The following CRLF3 variants were observed in gnomAD, a reference collection of about 807,000 sequenced individuals.
CRLF3 encodes the protein cytokine receptor-like factor 3.
In CRLF3, 33 loss-of-function variants were observed where a neutral mutation model predicts 55.0. That is an observed-to-expected ratio of 0.60 (90% CI 0.46 to 0.80). The LOEUF (loss-of-function observed/expected upper bound fraction) is 0.80, where lower values mean the gene tolerates loss of function less well. Among genes scored for constraint, CRLF3 ranks in the 30% least tolerant of loss-of-function variants. The pLI is 0.00. For missense variants in CRLF3, 494 were observed against 538.4 expected, an observed-to-expected ratio of 0.92 and a Z score of 0.82; for synonymous variants, 238 against 196.8, an observed-to-expected ratio of 1.21 and a Z score of -1.75.
chr17:30,808,033 T>C (rs1904471392), intron 1 of CRLF3, among the ~76,000 whole-genome samples: 1 of 152,180 alleles, frequency 6.6e-6, no homozygotes, highest in South Asian at 2.1e-4. Context: ...ACCATTCAAC[T>C]ATGAGATCTT....
At chr17:30,794,579 CTTGAGCCCAGGAAT>C (rs1347852819) in intron 4 of CRLF3, among the ~76,000 whole-genome samples, 1 of 152,132 alleles carries the variant, frequency 6.6e-6, no homozygotes, top group East Asian at 1.9e-4. Context: ...GGGTGGAGCA[CTTGAGCCCAGGAAT>C]TTGAGGCCAG....
chr17:30,809,826 T>C (rs1904554050), intron 1 of CRLF3: 2 of 152,158 alleles, frequency 1.3e-5, no homozygotes, highest in Admixed American at 6.6e-5. Context: ...ATATTTTGTA[T>C]TTTTTGTCGA....
chr17:30,816,097 T>C (rs964996213), intron 1 of CRLF3, among the ~76,000 whole-genome samples: 15 of 148,476 alleles, frequency 1.0e-4, no homozygotes, highest in Non-Finnish European at 2.1e-4. Context: ...GCCTGGCAAA[T>C]ATGGTGAAAC....
intron 2 of CRLF3, among the ~76,000 whole-genome samples, chr17:30,801,976 G>A (rs556785334): frequency 7.9e-5 from 12 of 151,714 alleles, no homozygotes; most frequent in African/African-American, 2.7e-4. Context: ...AGCCTCTGTG[G>A]AACTCTTCCT....
intron 6 of CRLF3, 185 bp downstream of exon 6, chr17:30,792,255 A>G: frequency 5.8e-6 from 3 of 516,876 alleles, no homozygotes; most frequent in East Asian, 2.8e-5. Flanking sequence ...CAGTTAATCT[A>G]CGTAATAACC....
intron 1 of CRLF3, among the ~76,000 whole-genome samples, chr17:30,812,814 G>T (rs1286186339): frequency 1.3e-5 from 2 of 152,146 alleles, no homozygotes; most frequent in Non-Finnish European, 2.9e-5. Context: ...CACCATGAAA[G>T]AAGTATGTCT....
chr17:30,793,139 A>G (rs1971848176), intron 5 of CRLF3, among the ~76,000 whole-genome samples: 1 of 151,894 alleles, frequency 6.6e-6, no homozygotes, highest in South Asian at 2.1e-4. Context: ...CTTGTCTCAA[A>G]AAAACTAACT....
At chr17:30,789,371 AATCT>A (rs1208460561) in intron 6 of CRLF3, among the ~76,000 whole-genome samples, 3 of 152,218 alleles carry the variant, frequency 2.0e-5, no homozygotes, top group African/African-American at 7.2e-5. Flanking sequence ...CTAACTATGC[AATCT>A]ATCAGACATT....
At chr17:30,787,396 T>C (rs1347231938) in intron 6 of CRLF3, 1 of 152,236 alleles carries the variant, frequency 6.6e-6, no homozygotes, top group Non-Finnish European at 1.5e-5. Flanking sequence ...AAGAACTTCC[T>C]ATGTGGCAAG....
intron 7 of CRLF3, chr17:30,784,783 A>T (rs1597909544): frequency 1.4e-5 from 3 of 211,248 alleles, no homozygotes; most frequent in East Asian, 2.6e-4. Context: ...TTGGAGACAG[A>T]GTTTCACTCT....
At chr17:30,811,111 A>C (rs1295402568) in intron 1 of CRLF3, among the ~76,000 whole-genome samples, 1 of 151,952 alleles carries the variant, frequency 6.6e-6, no homozygotes, top group Non-Finnish European at 1.5e-5. Flanking sequence ...ACAAACAAAA[A>C]AGAAAACCAC....
In CRLF3 at chr17:30,793,571, T is replaced by C; in HGVS notation, c.705A>G (p.Ile235Met). 1 of 1,614,096 alleles carries C rather than the reference T, an allele frequency of 6.2e-7. No individual in the cohort carries two copies. The highest frequency in any genetic ancestry group is 8.5e-7 in the Non-Finnish European group (1 of 1,179,962). The change falls in exon 5 of 8, where the codon ATA (isoleucine) becomes ATG (methionine). Residue 235 changes from isoleucine to methionine, a missense_variant. Physicochemically the swap from Ile to Met is conservative, Grantham distance 10 (BLOSUM62 1). Coordinates refer to ENST00000324238, the MANE Select transcript of CRLF3 (RefSeq NM_015986.4). Reference protein sequence around the residue: ...DVYVGSETEFIVLHIDPNVDY... With the variant: ...DVYVGSETEFMVLHIDPNVDY... Reference sequence around the variant, plus strand: ...CAACGTTGGGGTCTATGTGCAATACTATGAATTCAGTTTCAGAACCTACAT... The same window carrying C: ...CAACGTTGGGGTCTATGTGCAATACCATGAATTCAGTTTCAGAACCTACAT...
intron 2 of CRLF3, among the ~76,000 whole-genome samples, chr17:30,802,943 T>C (rs761238395): frequency 3.3e-5 from 5 of 152,008 alleles, no homozygotes; most frequent in Non-Finnish European, 7.4e-5. Context: ...GATGAGAAGA[T>C]TGCTTGAGAC....
chr17:30,803,918 T>C lies in CRLF3; in HGVS notation c.320A>G (p.Glu107Gly). Residue 107 changes from glutamate to glycine, a missense_variant, in exon 2 of 8, where the codon GAG becomes GGG. Glu to Gly is a moderately conservative substitution (Grantham distance 98). Transcript: ENST00000324238. ...TCCCCCACCTTCTCGGACTAAGTCC[T>C]CTGCAGTGTTGACTCCGTGTTCTAT... ...KLIEHGVNTA[E>G]DLVREGEIAM... 6.2e-7 allele frequency: 1 copy of C among 1,611,934 alleles called. No homozygotes were observed. Among genetic ancestry groups the C allele is most frequent in the Non-Finnish European group, 8.5e-7 (1 of 1,179,712 alleles).
chr17:30,810,206 T>C (rs1214870510), intron 1 of CRLF3, among the ~76,000 whole-genome samples: 2 of 152,218 alleles, frequency 1.3e-5, no homozygotes, highest in African/African-American at 4.8e-5. Context: ...TTTATGTTGA[T>C]CAATAATATT....
At chr17:30,802,617 G>A (rs1407286638) in intron 2 of CRLF3, among the ~76,000 whole-genome samples, 5 of 148,992 alleles carry the variant, frequency 3.4e-5, no homozygotes, top group South Asian at 2.1e-4. Flanking sequence ...TTTTTGTAGC[G>A]ACAGGCTGTT....
intron 4 of CRLF3, among the ~76,000 whole-genome samples, chr17:30,795,547 A>C (rs1159620258): frequency 1.3e-5 from 2 of 151,440 alleles, no homozygotes; most frequent in Non-Finnish European, 2.9e-5. Flanking sequence ...TCACACCTGT[A>C]ATCCCAGCAC....
At chr17:30,785,344 G>A (rs1971616818) in intron 7 of CRLF3, among the ~76,000 whole-genome samples, 1 of 151,772 alleles carries the variant, frequency 6.6e-6, no homozygotes. Context: ...CAAAGTGCTG[G>A]GATTAGAGGC....
intron 1 of CRLF3, among the ~76,000 whole-genome samples, chr17:30,820,380 A>G (rs765918435): frequency 6.6e-5 from 10 of 152,244 alleles, no homozygotes; most frequent in Non-Finnish European, 1.3e-4. Flanking sequence ...TTTAAAGGAT[A>G]AGAAACTAAA....
Sources: allele counts gnomAD v4.1 joint callset (sites outside exome capture counted in the v4.1 genomes callset), GRCh38; gene constraint gnomAD v4.1.1; transcripts MANE v1.5; gene names NCBI Gene and HGNC (gene_info 2026-07-23, HGNC 2026-07-21).